Variants in MOGAT1 observed in about 807,000 individuals in gnomAD.
The protein encoded by MOGAT1 is monoacylglycerol O-acyltransferase 1, also known as 2-acylglycerol O-acyltransferase 1.
In MOGAT1, 32 loss-of-function variants were observed where a neutral mutation model predicts 31.4. That is an observed-to-expected ratio of 1.02 (90% CI 0.77 to 1.37). The LOEUF (loss-of-function observed/expected upper bound fraction) is 1.37, where lower values mean the gene tolerates loss of function less well. MOGAT1 is among the 40% of genes most tolerant of loss of function. The pLI is 0.00. For missense variants in MOGAT1, 426 were observed against 402.0 expected (o/e 1.06, Z -0.51); for synonymous variants, 145 against 144.5 (o/e 1.00, Z -0.03).
intron 1 of MOGAT1, among the ~76,000 whole-genome samples, chr2:222,673,259 A>G (rs1309514839): frequency 1.2e-4 from 14 of 120,404 alleles, no homozygotes; most frequent in African/African-American, 4.3e-4. Flanking sequence ...AAGTCTGTAC[A>G]CCTTTTTTTT....
intron 3 of MOGAT1, 64 bp downstream of exon 3, chr2:222,689,533 C>A (rs1692727467): frequency 1.4e-6 from 2 of 1,432,000 alleles, no homozygotes; most frequent in Non-Finnish European, 2.0e-6. Flanking sequence ...CAGAACATTC[C>A]CTCCCAGGCC....
At chr2:222,685,052 C>T (rs1456675845) in intron 1 of MOGAT1, among the ~76,000 whole-genome samples, 1 of 151,906 alleles carries the variant, frequency 6.6e-6, no homozygotes, top group East Asian at 1.9e-4. Flanking sequence ...CATTGTAATA[C>T]CAAACAGCTA....
At chr2:222,676,942 A>G (rs1692507013) in intron 1 of MOGAT1, among the ~76,000 whole-genome samples, 1 of 152,252 alleles carries the variant, frequency 6.6e-6, no homozygotes, top group Non-Finnish European at 1.5e-5. Context: ...CACAATCCAC[A>G]GAATTAAAAA....
chr2:222,700,438 G>T (rs187953079), intron 5 of MOGAT1, among the ~76,000 whole-genome samples: 150 of 152,324 alleles, frequency 9.8e-4, no homozygotes, highest in Non-Finnish European at 8.8e-5. Flanking sequence ...CAGAAAGGGG[G>T]AAATTGCTTC....
At chr2:222,704,857 T>A (rs1309657098) in intron 5 of MOGAT1, among the ~76,000 whole-genome samples, 2 of 152,108 alleles carry the variant, frequency 1.3e-5, no homozygotes, top group East Asian at 3.9e-4. Flanking sequence ...TAATTGAATG[T>A]TGGGCCTAAG....
At chr2:222,684,287 C>A (rs1358885338) in intron 1 of MOGAT1, among the ~76,000 whole-genome samples, 1 of 151,802 alleles carries the variant, frequency 6.6e-6, no homozygotes, top group African/African-American at 2.4e-5. Flanking sequence ...GCCTGTAATC[C>A]CAGCTATATT....
chr2:222,678,522 C>T (rs1195572491), intron 1 of MOGAT1, among the ~76,000 whole-genome samples: 1 of 152,156 alleles, frequency 6.6e-6, no homozygotes, highest in Non-Finnish European at 1.5e-5. Flanking sequence ...ATTTTTCTTT[C>T]AGTCTATGGA....
At chr2:222,702,576 G>A (rs1032389786) in intron 5 of MOGAT1, among the ~76,000 whole-genome samples, 6 of 152,032 alleles carry the variant, frequency 3.9e-5, no homozygotes, top group Admixed American at 2.6e-4. Flanking sequence ...TCTAGATGGG[G>A]GTAGGCAAGT....
chr2:222,700,377 G>T (rs1038871844), intron 5 of MOGAT1, among the ~76,000 whole-genome samples: 1 of 152,178 alleles, frequency 6.6e-6, no homozygotes, highest in African/African-American at 2.4e-5. Flanking sequence ...AACTGCAACT[G>T]TATTAACTTG....
intron 1 of MOGAT1, among the ~76,000 whole-genome samples, chr2:222,675,421 CATGATGCTTGCCCGA>C (rs1559227018): frequency 6.6e-6 from 1 of 151,886 alleles, no homozygotes; most frequent in Non-Finnish European, 1.5e-5. Flanking sequence ...TGATTTAAGT[CATGATGCTTGCCCGA>C]ATTACCTGTT....
intron 1 of MOGAT1, among the ~76,000 whole-genome samples, chr2:222,683,076 C>T (rs909838698): frequency 2.0e-5 from 3 of 151,966 alleles, no homozygotes; most frequent in Admixed American, 1.3e-4. Flanking sequence ...TCATGGTGTG[C>T]ACCTCTAGTC....
At chr2:222,704,548 C>T (rs1209973581) in intron 5 of MOGAT1, among the ~76,000 whole-genome samples, 2 of 151,760 alleles carry the variant, frequency 1.3e-5, no homozygotes, top group African/African-American at 4.8e-5. Flanking sequence ...GGCGTGAACC[C>T]GGGAGGCGGA....
intron 1 of MOGAT1, among the ~76,000 whole-genome samples, chr2:222,674,885 G>A (rs1391042298): frequency 6.6e-6 from 1 of 151,998 alleles, no homozygotes; most frequent in African/African-American, 2.4e-5. Context: ...TGCCCTGGCT[G>A]GTCTCAAACT....
rs1487476755 is a variant in MOGAT1, at chr2:222,689,315, T to A, written c.324T>A (p.Phe108Leu). The A allele has an allele frequency of 6.2e-7, 1 of 1,613,932 alleles. No individual in the cohort carries two copies. Among genetic ancestry groups the A allele is most frequent in the Non-Finnish European group, 8.5e-7 (1 of 1,179,882 alleles). Residue 108 changes from phenylalanine to leucine, a missense_variant, in exon 3 of 6, where the codon TTT (phenylalanine) becomes TTA (leucine). Coordinates refer to ENST00000446656, the MANE Select transcript of MOGAT1 (RefSeq NM_058165.3). Reference protein sequence around the residue: ...LDPSHNYIFGFHPHGIMAVGA... With the variant: ...LDPSHNYIFGLHPHGIMAVGA... ...CAAGTCACAACTATATATTTGGGTT[T>A]CACCCCCATGGAATAATGGCAGTTG...
At chr2:222,682,118 CCACA>C (rs10572442) in intron 1 of MOGAT1, among the ~76,000 whole-genome samples, 12 of 150,882 alleles carry the variant, frequency 8.0e-5, no homozygotes, top group South Asian at 2.1e-4. Context: ...CTCCCTCTCA[CCACA>C]CACACACACA....
chr2:222,674,587 T>G lies in MOGAT1; in HGVS notation c.94+2708T>G, dbSNP rs371470790. On this transcript the variant is annotated intron_variant, in intron 1 of 5. Coordinates refer to ENST00000446656, the MANE Select transcript of MOGAT1 (RefSeq NM_058165.3). ...TGGCATAGTACCCAGTAGGTAGCTT[T>G]TCCTCCTCATCCTCCACCCTCCACC... 4.2e-4 allele frequency among the ~76,000 whole-genome samples: 64 copies of G among 152,342 alleles called. 1 individual carries two copies. In the South Asian group the frequency reaches 0.013, roughly 30 times the overall value.
chr2:222,686,985 G>A (rs1359162312), intron 1 of MOGAT1, among the ~76,000 whole-genome samples: 2 of 151,266 alleles, frequency 1.3e-5, no homozygotes, highest in Admixed American at 6.6e-5. Context: ...GTGGTGGTGC[G>A]CGCCTATAAT....
chr2:222,698,441 T>TA (rs1419042863), intron 5 of MOGAT1, among the ~76,000 whole-genome samples: 1 of 152,174 alleles, frequency 6.6e-6, no homozygotes, highest in Non-Finnish European at 1.5e-5. Flanking sequence ...GACTGGTAAA[T>TA]ATGTATATGG....
intron 1 of MOGAT1, among the ~76,000 whole-genome samples, chr2:222,674,371 T>C (rs957803825): frequency 6.6e-6 from 1 of 152,252 alleles, no homozygotes; most frequent in Non-Finnish European, 1.5e-5. Context: ...ACCCATGACC[T>C]AGGTTTATAA....
Sources: allele counts gnomAD v4.1 joint callset (sites outside exome capture counted in the v4.1 genomes callset), GRCh38; gene constraint gnomAD v4.1.1; transcripts MANE v1.5; gene names NCBI Gene and HGNC (gene_info 2026-07-23, HGNC 2026-07-21).